The following LINGO2 variants were observed in gnomAD, a reference collection of about 807,000 sequenced individuals.
LINGO2 encodes leucine-rich repeat and immunoglobulin-like domain-containing nogo receptor-interacting protein 2.
Under a neutral mutation model 30.6 loss-of-function variants are expected in LINGO2, and 14 were observed. The ratio of observed to expected loss-of-function variants is 0.46; its 90% CI spans 0.30 to 0.72. The LOEUF (loss-of-function observed/expected upper bound fraction) is 0.72, where lower values mean the gene tolerates loss of function less well. LINGO2 is among the 30% of genes least tolerant of loss of function. LINGO2 has a pLI of 0.07. For synonymous variants in LINGO2, 317 were observed against 288.5 expected, an observed-to-expected ratio of 1.10 and a Z score of -1.00; for missense variants, 729 against 751.7, an observed-to-expected ratio of 0.97 and a Z score of 0.35.
rs117076766 is a variant in LINGO2 at position 28,265,641 on chromosome 9, T to C, written c.-87+29567A>G. On this transcript the variant is annotated intron_variant, in intron 4 of 5. Transcript: ENST00000379992. Reference sequence around the variant, plus strand: ...CAAATGGAGCTGAAAAAAGATGTTCTAACTTGAGAAATTTAAAGCAAATAT... The same window carrying C: ...CAAATGGAGCTGAAAAAAGATGTTCCAACTTGAGAAATTTAAAGCAAATAT... 7.7e-3 allele frequency among the ~76,000 whole-genome samples: 1,165 copies of C among 152,140 alleles called. 11 individuals are homozygous for C. The highest frequency in any genetic ancestry group is 0.013 in the Non-Finnish European group (906 of 67,936).
chr9:28,227,390 T>C (rs1289373610), intron 4 of LINGO2, among the ~76,000 whole-genome samples: 2 of 152,100 alleles, frequency 1.3e-5, no homozygotes, highest in African/African-American at 2.4e-5. Context: ...GCTATTTTCC[T>C]CTAATTTTTT....
the LINGO2 span, among the ~76,000 whole-genome samples, chr9:28,723,365 G>A: frequency 6.6e-6 from 1 of 152,004 alleles, no homozygotes; most frequent in Non-Finnish European, 1.5e-5. Context: ...TCTATGAATT[G>A]TCTTCTAAAA....
At chr9:27,992,146 T>A (rs1183317884) in intron 5 of LINGO2, among the ~76,000 whole-genome samples, 2 of 151,778 alleles carry the variant, frequency 1.3e-5, no homozygotes, top group Non-Finnish European at 2.9e-5. Context: ...ACCATCAGGT[T>A]GATGAATTTT....
chr9:28,410,684 A>G (rs1192066832), intron 2 of LINGO2, among the ~76,000 whole-genome samples: 1 of 152,108 alleles, frequency 6.6e-6, no homozygotes, highest in African/African-American at 2.4e-5. Context: ...TACAATCTGT[A>G]TTTGAAAGAT....
the LINGO2 span, among the ~76,000 whole-genome samples, chr9:29,012,406 C>T: frequency 6.6e-6 from 1 of 151,974 alleles, no homozygotes; most frequent in South Asian, 2.1e-4. Context: ...ACTTAAAGAA[C>T]TTAAACGGTT....
chr9:29,170,970 A>G, the LINGO2 span, among the ~76,000 whole-genome samples: 1 of 152,090 alleles, frequency 6.6e-6, no homozygotes. Context: ...TAATTTGGCT[A>G]TATCTCCCAA....
the LINGO2 span, among the ~76,000 whole-genome samples, chr9:29,062,122 C>A: frequency 6.6e-6 from 1 of 151,980 alleles, no homozygotes; most frequent in African/African-American, 2.4e-5. Context: ...CAATAAGATA[C>A]CACTTCACAT....
At chr9:28,872,792 C>T in the LINGO2 span, among the ~76,000 whole-genome samples, 1 of 152,090 alleles carries the variant, frequency 6.6e-6, no homozygotes, top group Non-Finnish European at 1.5e-5. Flanking sequence ...GAGAGGTGCA[C>T]TTTGTTTTCT....
chr9:28,248,897 T>A (rs1232259546), intron 4 of LINGO2, among the ~76,000 whole-genome samples: 15 of 152,172 alleles, frequency 9.9e-5, no homozygotes, highest in Admixed American at 7.9e-4. Flanking sequence ...TAACCAAGTT[T>A]GGAATCCCAC....
At chr9:28,815,180 G>A in the LINGO2 span, among the ~76,000 whole-genome samples, 5 of 152,298 alleles carry the variant, frequency 3.3e-5, no homozygotes, top group East Asian at 5.8e-4. Flanking sequence ...AAGTGAAGAC[G>A]CACCTCACAA....
At chr9:27,990,343 CTTAT>C (rs1407469591) in intron 5 of LINGO2, among the ~76,000 whole-genome samples, 5 of 151,878 alleles carry the variant, frequency 3.3e-5, no homozygotes, top group Admixed American at 2.6e-4. Flanking sequence ...TATCATCACT[CTTAT>C]TTAAACAGAT....
At chr9:27,949,098 A>ATGG (rs780371266) in exon 6 of LINGO2, 1 of 1,614,206 alleles carries the variant, frequency 6.2e-7, no homozygotes, top group Non-Finnish European at 8.5e-7. Context: ...GCCATTGGAA[A>ATGG]TGGTGTCATT....
At chr9:28,956,964 C>T in the LINGO2 span, among the ~76,000 whole-genome samples, 2 of 151,676 alleles carry the variant, frequency 1.3e-5, no homozygotes, top group African/African-American at 2.4e-5. Flanking sequence ...TTATGAAATG[C>T]CAAACTTCGT....
At chr9:28,492,265 C>G (rs1826429024) in intron 1 of LINGO2, among the ~76,000 whole-genome samples, 1 of 152,102 alleles carries the variant, frequency 6.6e-6, no homozygotes, top group Non-Finnish European at 1.5e-5. Context: ...TTTGTCTAAA[C>G]TATCCAGTCT....
the LINGO2 span, among the ~76,000 whole-genome samples, chr9:28,990,610 T>C: frequency 6.6e-6 from 1 of 151,986 alleles, no homozygotes; most frequent in African/African-American, 2.4e-5. Context: ...CACCACCCAG[T>C]AGGGGCAGAC....
the LINGO2 span, among the ~76,000 whole-genome samples, chr9:28,776,522 T>C: frequency 1.3e-5 from 2 of 152,190 alleles, no homozygotes; most frequent in African/African-American, 4.8e-5. Flanking sequence ...GTAGCTATAA[T>C]CCTTCCCTAG....
At chr9:28,887,408 C>T in the LINGO2 span, among the ~76,000 whole-genome samples, 1 of 151,980 alleles carries the variant, frequency 6.6e-6, no homozygotes, top group African/African-American at 2.4e-5. Flanking sequence ...AAAAGTGATT[C>T]TCAACTCTCT....
At chr9:27,970,666 A>G (rs1054199217) in intron 5 of LINGO2, among the ~76,000 whole-genome samples, 2 of 152,138 alleles carry the variant, frequency 1.3e-5, no homozygotes, top group East Asian at 1.9e-4. Context: ...TCAACTTTCA[A>G]TCCTTGCTCT....
chr9:28,195,762 T>C (rs2133795550), intron 4 of LINGO2, among the ~76,000 whole-genome samples: 2 of 151,628 alleles, frequency 1.3e-5, no homozygotes, highest in Admixed American at 1.3e-4. Context: ...AAAGATGCTT[T>C]TATGAAAAGA....
Sources: gnomAD v4.1 joint callset for allele counts (sites outside exome capture counted in the v4.1 genomes callset) on GRCh38, gnomAD v4.1.1 for gene constraint, MANE v1.5 for transcripts, NCBI Gene and HGNC (gene_info 2026-07-23, HGNC 2026-07-21) for gene names.